The following LRRTM3 variants were observed in gnomAD, a reference collection of about 807,000 sequenced individuals.
LRRTM3 encodes leucine rich repeat transmembrane neuronal 3.
In LRRTM3, 24 loss-of-function variants were observed where a neutral mutation model predicts 44.7. The ratio of observed to expected loss-of-function variants is 0.54; its 90% CI spans 0.39 to 0.76. The LOEUF (loss-of-function observed/expected upper bound fraction) is 0.76, where lower values mean the gene tolerates loss of function less well. Ranked by LOEUF, LRRTM3 falls within the 30% of genes least tolerant of loss-of-function variation. The pLI, the probability that LRRTM3 is intolerant of heterozygous loss-of-function variation, is 0.00. For synonymous variants in LRRTM3, 277 were observed against 278.7 expected, an observed-to-expected ratio of 0.99 and a Z score of 0.06; for missense variants, 587 against 702.2, an observed-to-expected ratio of 0.84 and a Z score of 1.85.
chr10:66,946,192 T>C (rs1284436072), intron 2 of LRRTM3, among the ~76,000 whole-genome samples: 1 of 152,148 alleles, frequency 6.6e-6, no homozygotes, highest in African/African-American at 2.4e-5. Flanking sequence ...GAGGTGTGCC[T>C]GCACTCTGTT....
intron 2 of LRRTM3, among the ~76,000 whole-genome samples, chr10:66,940,616 C>T (rs1042282487): frequency 6.6e-6 from 1 of 152,162 alleles, no homozygotes; most frequent in African/African-American, 2.4e-5. Context: ...ATGAAACCCA[C>T]AAATTATATT....
intron 2 of LRRTM3, among the ~76,000 whole-genome samples, chr10:66,994,783 T>C (rs1851237708): frequency 6.6e-6 from 1 of 152,232 alleles, no homozygotes; most frequent in Non-Finnish European, 1.5e-5. Context: ...GTATATCTAA[T>C]AATTATTGTG....
At chr10:67,076,835 T>C (rs1856773026) in intron 2 of LRRTM3, among the ~76,000 whole-genome samples, 5 of 152,156 alleles carry the variant, frequency 3.3e-5, no homozygotes, top group Admixed American at 3.3e-4. Flanking sequence ...TCAATTGACA[T>C]ATCCTCTGTT....
chr10:67,066,418 C>G (rs1272431585), intron 2 of LRRTM3, among the ~76,000 whole-genome samples: 1 of 151,694 alleles, frequency 6.6e-6, no homozygotes, highest in Non-Finnish European at 1.5e-5. Context: ...ATCTCGATCT[C>G]TTGACCTCGT....
At chr10:66,938,848 C>G (rs141740957) in intron 2 of LRRTM3, among the ~76,000 whole-genome samples, 1 of 152,248 alleles carries the variant, frequency 6.6e-6, no homozygotes, top group East Asian at 1.9e-4. Flanking sequence ...ATATTTAAGT[C>G]TAGCTGCGAA....
chr10:67,057,813 T>C (rs1004835745), intron 2 of LRRTM3, among the ~76,000 whole-genome samples: 3 of 152,122 alleles, frequency 2.0e-5, no homozygotes, highest in African/African-American at 7.2e-5. Context: ...CTCAGTCTCT[T>C]TTGCCATCCC....
chr10:67,011,920 G>A (rs1461566369), intron 2 of LRRTM3, among the ~76,000 whole-genome samples: 1 of 152,106 alleles, frequency 6.6e-6, no homozygotes, highest in Non-Finnish European at 1.5e-5. Flanking sequence ...ACCTGCCCTT[G>A]AAACCCACTA....
intron 2 of LRRTM3, among the ~76,000 whole-genome samples, chr10:66,955,593 A>G (rs1198530818): frequency 6.6e-6 from 1 of 152,142 alleles, no homozygotes; most frequent in Non-Finnish European, 1.5e-5. Context: ...CAGAGTAGAC[A>G]CTCAATAAAT....
At chr10:67,029,774 T>A (rs2133104953) in intron 2 of LRRTM3, among the ~76,000 whole-genome samples, 1 of 152,334 alleles carries the variant, frequency 6.6e-6, no homozygotes, top group Non-Finnish European at 1.5e-5. Context: ...ACCTGTGATG[T>A]CCAATAGGGT....
At chr10:67,084,611 G>T (rs960746346) in intron 2 of LRRTM3, among the ~76,000 whole-genome samples, 1 of 151,834 alleles carries the variant, frequency 6.6e-6, no homozygotes, top group Non-Finnish European at 1.5e-5. Flanking sequence ...CAAGATTCAT[G>T]ATCAGTCCTG....
In LRRTM3 at chr10:66,927,616, C is replaced by A. The variant is rs764490237; in HGVS notation, c.700C>A (p.Leu234Ile). 2 of 1,614,154 alleles carry A rather than the reference C, an allele frequency of 1.2e-6. No homozygotes were observed. Among genetic ancestry groups the A allele is most frequent in the Non-Finnish European group, 1.7e-6 (2 of 1,180,026 alleles). ...TCCAAGGTTGGTCAGCCTTCAGAAC[C>A]TTTACTTGCAGTGGAATAAAATCAG... ...LFPRLVSLQNLYLQWNKISVI... is the reference protein window; with the variant it reads ...LFPRLVSLQNIYLQWNKISVI... The change falls in exon 2 of 3, where the codon CTT becomes ATT. Residue 234 changes from leucine to isoleucine, a missense_variant. Leu to Ile is a conservative substitution (Grantham distance 5). Transcript: ENST00000361320. The surrounding 1 kb of genome is among the most constrained non-coding windows in gnomAD (Gnocchi z 4.7).
chr10:67,034,639 G>A (rs546206125), intron 2 of LRRTM3, among the ~76,000 whole-genome samples: 8 of 152,196 alleles, frequency 5.3e-5, no homozygotes, highest in East Asian at 3.9e-4. Context: ...AAGAATGGCC[G>A]TGTGTTCTGT....
intron 2 of LRRTM3, among the ~76,000 whole-genome samples, chr10:67,091,171 G>A (rs866539711): frequency 3.3e-5 from 5 of 151,856 alleles, no homozygotes; most frequent in African/African-American, 4.8e-5. Flanking sequence ...ATCAAATTGC[G>A]CATACCTTAG....
chr10:67,045,759 G>A (rs1031744666), intron 2 of LRRTM3, among the ~76,000 whole-genome samples: 1 of 152,022 alleles, frequency 6.6e-6, no homozygotes, highest in Non-Finnish European at 1.5e-5. Context: ...TTTTAAAGAG[G>A]AGAAACCGAA....
intron 2 of LRRTM3, among the ~76,000 whole-genome samples, chr10:67,042,750 A>G (rs918984038): frequency 2.6e-5 from 4 of 152,042 alleles, no homozygotes; most frequent in African/African-American, 7.2e-5. Context: ...GAAGAGTAGG[A>G]CTGAAAATGT....
chr10:66,948,345 A>C (rs550375860), intron 2 of LRRTM3, among the ~76,000 whole-genome samples: 17 of 152,196 alleles, frequency 1.1e-4, no homozygotes, highest in Non-Finnish European at 2.4e-4. Context: ...TCCAACAAGC[A>C]AAATGGACAG....
intron 2 of LRRTM3, among the ~76,000 whole-genome samples, chr10:66,932,246 T>C (rs943787408): frequency 3.3e-5 from 5 of 152,228 alleles, no homozygotes; most frequent in East Asian, 1.9e-4. Context: ...GTCAGATTCA[T>C]GGATTTGGCA....
At chr10:67,011,576 T>G (rs1199422695) in intron 2 of LRRTM3, among the ~76,000 whole-genome samples, 2 of 152,116 alleles carry the variant, frequency 1.3e-5, no homozygotes, top group Non-Finnish European at 2.9e-5. Context: ...TACATGTTGG[T>G]GATAATATAA....
At chr10:66,950,360 CA>C (rs1195399243) in intron 2 of LRRTM3, among the ~76,000 whole-genome samples, 2 of 150,952 alleles carry the variant, frequency 1.3e-5, no homozygotes, top group Admixed American at 1.3e-4. Context: ...AAAAATCTTA[CA>C]TTTTTTTTGT....
Sources: allele counts gnomAD v4.1 joint callset (sites outside exome capture counted in the v4.1 genomes callset), GRCh38; gene constraint gnomAD v4.1.1; non-coding constraint Gnocchi (gnomAD v3.1); transcripts MANE v1.5; gene names NCBI Gene and HGNC (gene_info 2026-07-23, HGNC 2026-07-21).